The following GTF2E2 variants were observed in gnomAD, a reference collection of about 807,000 sequenced individuals.
GTF2E2 encodes the protein transcription initiation factor IIE subunit beta.
Under a neutral mutation model 40.5 loss-of-function variants are expected in GTF2E2, and 21 were observed. The ratio of observed to expected loss-of-function variants is 0.52; its 90% CI spans 0.37 to 0.75. The LOEUF (loss-of-function observed/expected upper bound fraction) is 0.75. Ranked by LOEUF, GTF2E2 falls within the 30% of genes least tolerant of loss-of-function variation. The pLI is 0.00. For missense variants in GTF2E2, 298 were observed against 338.4 expected, an observed-to-expected ratio of 0.88 and a Z score of 0.94; for synonymous variants, 117 against 121.6, an observed-to-expected ratio of 0.96 and a Z score of 0.25.
intron 6 of GTF2E2, among the ~76,000 whole-genome samples, chr8:30,588,215 T>C (rs1828739417): frequency 6.6e-6 from 1 of 152,192 alleles, no homozygotes; most frequent in Non-Finnish European, 1.5e-5. Context: ...CAATCCCACT[T>C]CTGGATATTT....
rs565824990 is a variant in GTF2E2, at chr8:30,654,141, G to C, written c.-4-539C>G. On this transcript the variant is annotated intron_variant, in intron 1 of 7. Transcript: ENST00000355904. ...AAAAGAAACAGAATTATTCCCTAAA[G>C]TTCCAGAACTGTGCTGTCCAATATA... Among the ~76,000 whole-genome samples, 3 of 150,140 alleles carry C rather than the reference G, an allele frequency of 2.0e-5. No homozygotes were observed. In the South Asian group the frequency reaches 6.3e-4, roughly 32 times the overall value.
At chr8:30,594,106 T>G (rs746576304) in intron 6 of GTF2E2, among the ~76,000 whole-genome samples, 27 of 152,062 alleles carry the variant, frequency 1.8e-4, no homozygotes, top group Non-Finnish European at 3.5e-4. Flanking sequence ...AACTTTTGTA[T>G]TTTTAGTAGA....
chr8:30,634,301 AGC>A (rs1801519585), intron 3 of GTF2E2, among the ~76,000 whole-genome samples: 1 of 152,118 alleles, frequency 6.6e-6, no homozygotes, highest in African/African-American at 2.4e-5. Flanking sequence ...TAAGAAAATT[AGC>A]CAGGCATGGT....
At chr8:30,618,842 G>C (rs1158067422) in intron 3 of GTF2E2, among the ~76,000 whole-genome samples, 1 of 151,968 alleles carries the variant, frequency 6.6e-6, no homozygotes, top group East Asian at 1.9e-4. Context: ...GAAAAGACTG[G>C]GAAATATTTC....
chr8:30,591,901 G>C (rs934833625), intron 6 of GTF2E2, among the ~76,000 whole-genome samples: 27 of 152,012 alleles, frequency 1.8e-4, no homozygotes, highest in African/African-American at 5.8e-4. Context: ...TACATGAAAA[G>C]TGTATGGCCA....
chr8:30,629,374 C>T (rs1342868830), intron 3 of GTF2E2, among the ~76,000 whole-genome samples: 1 of 152,054 alleles, frequency 6.6e-6, no homozygotes, highest in African/African-American at 2.4e-5. Flanking sequence ...CAAACTTCAG[C>T]ATGTATCACA....
intron 2 of GTF2E2, chr8:30,637,276 T>G (rs1459354137): frequency 6.6e-6 from 3 of 456,056 alleles, no homozygotes; most frequent in African/African-American, 2.0e-5. Context: ...CTGGGAAGAC[T>G]ATGAAAAAAG....
intron 2 of GTF2E2, among the ~76,000 whole-genome samples, chr8:30,646,347 C>T (rs180803690): frequency 1.3e-5 from 2 of 152,040 alleles, no homozygotes; most frequent in African/African-American, 4.8e-5. Context: ...AGAAAGACTG[C>T]CCCTCCCCCC....
intron 5 of GTF2E2, among the ~76,000 whole-genome samples, chr8:30,608,462 T>A (rs1283927913): frequency 6.6e-6 from 1 of 152,216 alleles, no homozygotes; most frequent in Non-Finnish European, 1.5e-5. Context: ...TGTGTTAAAT[T>A]CTTACTAAAA....
At chr8:30,608,203 A>C (rs1829378760) in intron 5 of GTF2E2, among the ~76,000 whole-genome samples, 1 of 151,842 alleles carries the variant, frequency 6.6e-6, no homozygotes, top group Non-Finnish European at 1.5e-5. Context: ...ATAGGAATAA[A>C]GTCTCAAGCT....
At chr8:30,592,594 A>T (rs977285595) in intron 6 of GTF2E2, among the ~76,000 whole-genome samples, 1 of 152,182 alleles carries the variant, frequency 6.6e-6, no homozygotes, top group African/African-American at 2.4e-5. Context: ...ATCTACATAT[A>T]ACCTATGCCT....
chr8:30,623,574 C>T (rs1210176728), intron 3 of GTF2E2, among the ~76,000 whole-genome samples: 1 of 152,032 alleles, frequency 6.6e-6, no homozygotes, highest in East Asian at 1.9e-4. Flanking sequence ...AGTTCTAGAT[C>T]CCTGAGGAAT....
chr8:30,657,892 C>G (rs1021251924), intron 1 of GTF2E2, 81 bp downstream of exon 1: 1 of 152,280 alleles, frequency 6.6e-6, no homozygotes, highest in Admixed American at 6.5e-5. Context: ...CTCAGCCTCC[C>G]GGGAGGCGGC....
intron 6 of GTF2E2, among the ~76,000 whole-genome samples, chr8:30,587,067 A>G (rs981645339): frequency 6.6e-6 from 1 of 152,236 alleles, no homozygotes; most frequent in Non-Finnish European, 1.5e-5. Flanking sequence ...GAGACAACCT[A>G]CAAACTGGGA....
chr8:30,627,447 G>GT (rs1801314470), intron 3 of GTF2E2, among the ~76,000 whole-genome samples: 1 of 41,244 alleles, frequency 2.4e-5, no homozygotes, highest in Non-Finnish European at 5.0e-5. Flanking sequence ...TACCTCTCTT[G>GT]CAAAAAAAAA....
chr8:30,637,012 T>C, intron 2 of GTF2E2: 1 of 420,436 alleles, frequency 2.4e-6, no homozygotes, highest in South Asian at 1.7e-5. Context: ...ATGGTAAATA[T>C]TCATACGTAA....
intron 6 of GTF2E2, among the ~76,000 whole-genome samples, chr8:30,581,765 C>T (rs774393195): frequency 6.6e-6 from 1 of 152,154 alleles, no homozygotes; most frequent in East Asian, 1.9e-4. Flanking sequence ...TCTCTAAGCT[C>T]CTTGAGAGCA....
chr8:30,592,596 C>T (rs1828881129), intron 6 of GTF2E2, among the ~76,000 whole-genome samples: 2 of 152,140 alleles, frequency 1.3e-5, no homozygotes, highest in South Asian at 4.1e-4. Flanking sequence ...CTACATATAA[C>T]CTATGCCTAT....
chr8:30,623,442 T>C (rs1234527901), intron 3 of GTF2E2, among the ~76,000 whole-genome samples: 1 of 152,138 alleles, frequency 6.6e-6, no homozygotes, highest in Non-Finnish European at 1.5e-5. Flanking sequence ...ATCCAGTCTA[T>C]CATTGTTGGA....
Sources: allele counts gnomAD v4.1 joint callset (sites outside exome capture counted in the v4.1 genomes callset), GRCh38; gene constraint gnomAD v4.1.1; transcripts MANE v1.5; gene names NCBI Gene and HGNC (gene_info 2026-07-23, HGNC 2026-07-21).